ZDHHC11: variants seen among roughly 807,000 people sequenced by gnomAD.
ZDHHC11 encodes palmitoyltransferase ZDHHC11.
ZDHHC11 carries 44 observed loss-of-function variants against 51.3 expected under a neutral mutation model. The observed-to-expected ratio is 0.86, with a 90% CI of 0.67 to 1.10. The LOEUF is 1.10. Ranked by LOEUF, ZDHHC11 falls within the 50% of genes least tolerant of loss-of-function variation. The probability of loss-of-function intolerance (pLI) is 0.00; values close to 1 mark genes in which losing one functional copy is unlikely to be tolerated. For synonymous variants in ZDHHC11, 163 were observed against 222.0 expected, an observed-to-expected ratio of 0.73 and a Z score of 2.36; for missense variants, 400 against 537.7, an observed-to-expected ratio of 0.74 and a Z score of 2.53.
At position 845,653 on chromosome 5, in the gene ZDHHC11, C is replaced by T. The variant is rs1404671587; in HGVS notation, c.503+1861G>A. Among the ~76,000 whole-genome samples, 6 of 152,042 alleles carry T rather than the reference C, an allele frequency of 3.9e-5. No homozygotes were observed. In the South Asian group the frequency reaches 6.2e-4, roughly 16 times the overall value. Reference sequence around the variant, plus strand: ...CAGCTGGGCCTCCCCATGGGGGCTCCGCCATCAGCTCGGCCTCCCTCGCGG... The same window carrying T: ...CAGCTGGGCCTCCCCATGGGGGCTCTGCCATCAGCTCGGCCTCCCTCGCGG... On this transcript the variant is annotated intron_variant, in intron 3 of 12. Transcript: ENST00000283441.
rs909554411 is a variant in ZDHHC11 at position 800,782 on chromosome 5, G to A, written c.*7+318C>T. Among the ~76,000 whole-genome samples the A allele has an allele frequency of 2.0e-5, 3 of 151,334 alleles. 1 individual carries two copies. Among genetic ancestry groups the A allele is most frequent in the Non-Finnish European group, 4.4e-5 (3 of 67,710 alleles). On this transcript the variant is annotated intron_variant, in intron 12 of 12. Transcript: ENST00000283441. ...AGGTGTTCATTATTTAAAGTTCTTA[G>A]ATCAGTACAATTGGGTGAAAATAAT...
At chr5:848,291 GC>G (rs1199882823) in intron 2 of ZDHHC11, among the ~76,000 whole-genome samples, 190 bp downstream of exon 2, 1 of 105,462 alleles carries the variant, frequency 9.5e-6, no homozygotes, top group Non-Finnish European at 1.9e-5. Flanking sequence ...AGTTGGGGCG[GC>G]CCGGCACCGC....
chr5:803,639 C>T (rs1738807870), intron 11 of ZDHHC11, among the ~76,000 whole-genome samples: 1 of 150,866 alleles, frequency 6.6e-6, no homozygotes, highest in Non-Finnish European at 1.5e-5. Flanking sequence ...GGGAAAAAGA[C>T]TTGGCATAAA....
chr5:853,449 G>A (rs1013505890), upstream of ZDHHC11, among the ~76,000 whole-genome samples: 11 of 150,778 alleles, frequency 7.3e-5, no homozygotes, highest in Non-Finnish European at 8.9e-5. Flanking sequence ...GTGAGCCAGG[G>A]GGCACAGACC....
chr5:828,548 T>G lies in ZDHHC11; in HGVS notation c.936-3297A>C, dbSNP rs1368506842. On this transcript the variant is annotated intron_variant, in intron 7 of 12. Coordinates refer to ENST00000283441, the MANE Select transcript of ZDHHC11 (RefSeq NM_024786.3). Reference sequence around the variant, plus strand: ...GAAATGAGACTGATGAAAACACAATTATAGTGACGGACACAATACTGCACT... The same window carrying G: ...GAAATGAGACTGATGAAAACACAATGATAGTGACGGACACAATACTGCACT... 1.3e-5 allele frequency among the ~76,000 whole-genome samples: 2 copies of G among 151,308 alleles called. 1 individual carries two copies. Among genetic ancestry groups the G allele is most frequent in the Admixed American group, 1.3e-4 (2 of 15,234 alleles).
upstream of ZDHHC11, among the ~76,000 whole-genome samples, chr5:855,834 G>A (rs1048469896): frequency 4.2e-4 from 59 of 141,136 alleles, no homozygotes; most frequent in African/African-American, 1.4e-3. Context: ...GAGCCGGGGG[G>A]CACAGACCCC....
chr5:859,075 G>A (rs1279513193), upstream of ZDHHC11, among the ~76,000 whole-genome samples: 2 of 152,094 alleles, frequency 1.3e-5, no homozygotes, highest in Non-Finnish European at 2.9e-5. Flanking sequence ...GGGGGCATGA[G>A]GAGGGAGGAA....
At chr5:809,367 C>T (rs1418862158) in intron 11 of ZDHHC11, among the ~76,000 whole-genome samples, 1 of 142,002 alleles carries the variant, frequency 7.0e-6, no homozygotes, top group African/African-American at 2.8e-5. Context: ...GAAGTCCTAA[C>T]CCCAGCGTTG....
At chr5:811,389 G>C (rs1740068243) in intron 11 of ZDHHC11, among the ~76,000 whole-genome samples, 1 of 141,308 alleles carries the variant, frequency 7.1e-6, no homozygotes, top group Admixed American at 7.1e-5. Context: ...GCTGAAACTA[G>C]GCAAAACTCT....
chr5:805,210 G>A (rs1286426194), intron 11 of ZDHHC11, among the ~76,000 whole-genome samples: 13 of 151,310 alleles, frequency 8.6e-5, no homozygotes, highest in African/African-American at 3.2e-4. Context: ...GGCTAAAGTG[G>A]GAGGATCGTG....
At chr5:802,878 A>G (rs1328176828) in intron 11 of ZDHHC11, among the ~76,000 whole-genome samples, 3 of 96,854 alleles carry the variant, frequency 3.1e-5, no homozygotes, top group African/African-American at 1.1e-4. Flanking sequence ...AAAAAAAGCT[A>G]AATGTGGTGG....
chr5:800,984 G>A (rs567756781), intron 12 of ZDHHC11, 116 bp downstream of exon 12: 27 of 1,245,074 alleles, frequency 2.2e-5, no homozygotes, highest in Middle Eastern at 1.9e-4. Context: ...AGAGACAAAC[G>A]ACAAGCAGCC....
rs370483765 is a variant in ZDHHC11 at position 809,391 on chromosome 5, G to A, written c.1181+5370C>T. 1.5e-4 allele frequency among the ~76,000 whole-genome samples: 21 copies of A among 142,960 alleles called. 1 individual carries two copies. The highest frequency in any genetic ancestry group is 5.1e-4 in the African/African-American group (18 of 35,560). The allele number at this position is 142,960 out of a possible 152,430, so 93.8% of individuals were successfully genotyped here. On this transcript the variant is annotated intron_variant, in intron 11 of 12. Transcript: ENST00000283441. ...ACCCCAGCGTTGTGTGTCATAAAGC[G>A]GAGCCTTTGGTGTCAGCTCCCAAAT...
In ZDHHC11 at chr5:796,021, T is replaced by C. The variant is rs1459966611; in HGVS notation, c.*567A>G. On this transcript the variant is annotated 3_prime_UTR_variant, in exon 13 of 13. Coordinates refer to ENST00000283441, the MANE Select transcript of ZDHHC11 (RefSeq NM_024786.3). ...AGTGTACTCCCATTTCTCAGTACTGTGCTCCCACTTCTCAGTACTGTGCTC... is the reference window on the plus strand; with the variant it reads ...AGTGTACTCCCATTTCTCAGTACTGCGCTCCCACTTCTCAGTACTGTGCTC... 6.4e-6 allele frequency: 1 copy of C among 155,316 alleles called. No individual in the cohort carries two copies. The highest frequency in any genetic ancestry group is 1.9e-4 in the East Asian group (1 of 5,332). The allele number at this position is 155,316 out of a possible 1,614,324, so 9.6% of individuals were successfully genotyped here.
upstream of ZDHHC11, among the ~76,000 whole-genome samples, chr5:859,617 G>A (rs961004949): frequency 6.6e-6 from 1 of 152,158 alleles, no homozygotes; most frequent in African/African-American, 2.4e-5. Context: ...ACGTGTTTTC[G>A]TAGTCTCGCG....
chr5:859,418 T>C (rs1325040859), upstream of ZDHHC11, among the ~76,000 whole-genome samples: 3 of 152,082 alleles, frequency 2.0e-5, no homozygotes. Flanking sequence ...TGCAACGCGT[T>C]GTGGTCCGCA....
At chr5:850,245 C>T in intron 1 of ZDHHC11, 136 bp downstream of exon 1, 1 of 1,025,584 alleles carries the variant, frequency 9.8e-7, no homozygotes, top group East Asian at 2.6e-5. Flanking sequence ...CACCTGCAGG[C>T]TCAGGGGACA....
At chr5:841,218 G>A (rs1488901329) in intron 4 of ZDHHC11, 11 of 1,038,142 alleles carry the variant, frequency 1.1e-5, no homozygotes, top group African/African-American at 5.5e-5. Flanking sequence ...TGGGGTCACA[G>A]TGCCTGCCGG....
intron 8 of ZDHHC11, among the ~76,000 whole-genome samples, chr5:824,675 T>G (rs1742055581): frequency 6.6e-6 from 1 of 151,336 alleles, no homozygotes; most frequent in Admixed American, 6.6e-5. Context: ...CCCACATATG[T>G]GCAACCACAC....
Sources: allele counts gnomAD v4.1 joint callset (sites outside exome capture counted in the v4.1 genomes callset), GRCh38; gene constraint gnomAD v4.1.1; transcripts MANE v1.5; gene names NCBI Gene and HGNC (gene_info 2026-07-23, HGNC 2026-07-21).